The following ZKSCAN3 variants were observed in gnomAD, a reference collection of about 807,000 sequenced individuals.
ZKSCAN3 encodes the protein zinc finger protein with KRAB and SCAN domains 3.
A neutral mutation model predicts 30.7 loss-of-function variants in ZKSCAN3; 21 were observed. That is an observed-to-expected ratio of 0.68 (90% CI 0.49 to 0.99). The LOEUF (loss-of-function observed/expected upper bound fraction) is 0.99. ZKSCAN3 is among the 50% of genes least tolerant of loss of function. The pLI is 0.00. For synonymous variants in ZKSCAN3, 201 were observed against 246.7 expected (o/e 0.81, Z 1.73); for missense variants, 507 against 647.1 (o/e 0.78, Z 2.35).
At chr6:28,355,464 C>A (rs2113905834) in intron 1 of ZKSCAN3, 1 of 152,306 alleles carries the variant, frequency 6.6e-6, no homozygotes, top group Non-Finnish European at 1.5e-5. Context: ...AAGTTGGGAC[C>A]AAAAGTCTAC....
rs146705865 is a variant in ZKSCAN3 at position 28,364,656 on chromosome 6, C to T, written c.758-770C>T. On this transcript the variant is annotated intron_variant, in intron 5 of 5. Transcript: ENST00000252211. ...CCCTGCCTCTGCCTGGGATATGAAC[C>T]GAGACAACTGTCTTTATCGTATCAT... Among the ~76,000 whole-genome samples, 33 of 152,286 alleles carry T rather than the reference C, an allele frequency of 2.2e-4. No individual in the cohort carries two copies. In the East Asian group the frequency reaches 3.3e-3, roughly 15 times the overall value.
chr6:28,357,680 A>C (rs1156449756), intron 1 of ZKSCAN3, among the ~76,000 whole-genome samples: 1 of 152,202 alleles, frequency 6.6e-6, no homozygotes, highest in African/African-American at 2.4e-5. Context: ...TCAGGGACTA[A>C]GGACTTTCTT....
chr6:28,349,904 G>A (rs1425990699), upstream of ZKSCAN3: 1 of 152,234 alleles, frequency 6.6e-6, no homozygotes, highest in Non-Finnish European at 1.5e-5. The surrounding 1 kb of genome is among the most constrained non-coding windows in gnomAD (Gnocchi z 4.1). Flanking sequence ...GGTGGCTAGA[G>A]AGGCCCGGAA....
chr6:28,351,883 A>C lies in ZKSCAN3; in HGVS notation c.-63+1816A>C, dbSNP rs1188972381. 6.6e-6 allele frequency among the ~76,000 whole-genome samples: 1 copy of C among 152,154 alleles called. No individual in the cohort carries two copies. The highest frequency in any genetic ancestry group is 1.5e-5 in the Non-Finnish European group (1 of 68,036). On this transcript the variant is annotated intron_variant, in intron 1 of 5. Transcript: ENST00000252211. This position sits in a 1 kb window ranked among gnomAD's most constrained non-coding sequence, Gnocchi z 4.6. ...TCTTATATACAGGGACTTTTATCTT[A>C]ATATAATCATAGTATCATGATCACA...
At chr6:28,362,016 G>T (rs1765789726) in intron 3 of ZKSCAN3, among the ~76,000 whole-genome samples, 1 of 152,214 alleles carries the variant, frequency 6.6e-6, no homozygotes, top group Non-Finnish European at 1.5e-5. Flanking sequence ...TCCCAGGCTG[G>T]TCTCAAACTC....
chr6:28,353,806 T>C, intron 1 of ZKSCAN3: 1 of 456,676 alleles, frequency 2.2e-6, no homozygotes, highest in South Asian at 1.5e-5. Flanking sequence ...TACTCTTATT[T>C]AAAAAAAGAA....
In ZKSCAN3 at chr6:28,367,650, TGTATA is replaced by T. The variant is rs1766018661; in HGVS notation, c.*1369_*1373del. ...CCCCACCCTACCACCCAACACACAC[TGTATA>T]GTAAACTGCATCAAAACTTATTCCT... is the stretch of plus-strand genomic sequence containing the variant. On this transcript the variant is annotated 3_prime_UTR_variant, in exon 6 of 6. Coordinates refer to ENST00000252211, the MANE Select transcript of ZKSCAN3 (RefSeq NM_024493.4). 1 of 151,998 alleles carries T rather than the reference TGTATA, an allele frequency of 6.6e-6. No homozygotes were observed. Among genetic ancestry groups the T allele is most frequent in the Non-Finnish European group, 1.5e-5 (1 of 67,986 alleles). 9.4% of individuals were successfully genotyped at this position (151,998 alleles called of 1,614,324 possible).
At chr6:28,365,387 A>G (rs1049484058) in intron 5 of ZKSCAN3, 39 bp from the exon 6 acceptor site, 11 of 1,570,004 alleles carry the variant, frequency 7.0e-6, no homozygotes, top group Non-Finnish European at 8.6e-6. Flanking sequence ...CTTTCCTTCC[A>G]TGGCATAAGC....
At chr6:28,359,435 C>G (rs1288709148) in intron 1 of ZKSCAN3, 90 bp from the exon 2 acceptor site, 1 of 941,700 alleles carries the variant, frequency 1.1e-6, no homozygotes, top group Non-Finnish European at 1.5e-6. Flanking sequence ...ATTTCTGCAG[C>G]AGTTCCCCAG....
rs1238486432 is a variant in ZKSCAN3 at position 28,366,203 on chromosome 6, C to T, written c.1535C>T (p.Ala512Val). ...HTGEKPYQCN[A>V]CGKGFTRISY... The stretch of plus-strand genomic sequence containing the variant: ...GGTGAGAAACCCTATCAGTGTAATG[C>T]GTGTGGAAAAGGCTTCACCCGAATT... The change falls in exon 6 of 6, where the codon GCG (alanine) becomes GTG (valine). Residue 512 changes from alanine (A) to valine (V), a missense_variant. By Grantham distance (64) the Ala-to-Val change is moderately conservative. Transcript: ENST00000252211. 13 of 1,588,036 alleles carry T rather than the reference C, an allele frequency of 8.2e-6. No homozygotes were observed. The highest frequency in any genetic ancestry group is 1.9e-5 in the Admixed American group (1 of 52,938).
At chr6:28,353,980 T>TCAG in intron 1 of ZKSCAN3, 1 of 454,664 alleles carries the variant, frequency 2.2e-6, no homozygotes, top group South Asian at 1.6e-5. Context: ...ATGATTTTAT[T>TCAG]CAGCAGCAGC....
At chr6:28,361,502 C>T in intron 3 of ZKSCAN3, 31 bp downstream of exon 3, 4 of 1,571,104 alleles carry the variant, frequency 2.5e-6, no homozygotes, top group Non-Finnish European at 3.4e-6. Flanking sequence ...AGTATGAATT[C>T]TGCAGACTTC....
At position 28,367,842 on chromosome 6, in the gene ZKSCAN3, C is replaced by T. The variant is rs1335093593; in HGVS notation, c.*1557C>T. The T allele has an allele frequency of 1.3e-5, 2 of 152,106 alleles. No individual in the cohort carries two copies. Among genetic ancestry groups the T allele is most frequent in the East Asian group, 1.9e-4 (1 of 5,158 alleles). 9.4% of individuals were successfully genotyped at this position (152,106 alleles called of 1,614,324 possible). A position where few individuals can be genotyped will look rare whatever the true frequency, so the allele number is the denominator to read the frequency against. On this transcript the variant is annotated 3_prime_UTR_variant, in exon 6 of 6. Coordinates refer to ENST00000252211, the MANE Select transcript of ZKSCAN3 (RefSeq NM_024493.4). The stretch of plus-strand genomic sequence containing the variant: ...TCCTGCCATTCTCCTGCCTCAGCCT[C>T]CCGAGTAGCTGGGACTATAGGCGTC...
chr6:28,360,693 A>T (rs1765716716), intron 2 of ZKSCAN3: 1 of 985,318 alleles, frequency 1.0e-6, no homozygotes, highest in Admixed American at 6.1e-5. Context: ...TGAGCTGGAT[A>T]CCAGGGTTCT....
At chr6:28,361,875 G>A (rs1432929688) in intron 3 of ZKSCAN3, among the ~76,000 whole-genome samples, 1 of 151,860 alleles carries the variant, frequency 6.6e-6, no homozygotes, top group African/African-American at 2.4e-5. Flanking sequence ...ATCGCTCACT[G>A]CAGCCTCCAC....
At chr6:28,364,617 G>A (rs1015046431) in intron 5 of ZKSCAN3, among the ~76,000 whole-genome samples, 2 of 152,218 alleles carry the variant, frequency 1.3e-5, no homozygotes, top group African/African-American at 4.8e-5. Context: ...ACTGAATCCA[G>A]TTCTGTTTGG....
At chr6:28,363,653 G>C (rs1323916011) in intron 4 of ZKSCAN3, 39 bp from the exon 5 acceptor site, 3 of 1,613,100 alleles carry the variant, frequency 1.9e-6, no homozygotes, top group East Asian at 4.5e-5. Flanking sequence ...CCACCATTTT[G>C]GTCAGCCCCT....
In ZKSCAN3 at chr6:28,366,204, G is replaced by A. The variant is rs111472689; in HGVS notation, c.1536G>A (p.Ala512=). ...GTGAGAAACCCTATCAGTGTAATGC[G>A]TGTGGAAAAGGCTTCACCCGAATTT... ...HTGEKPYQCN[A]CGKGFTRISY... The change falls in exon 6 of 6, where the codon GCG becomes GCA. Residue 512 remains alanine, a synonymous_variant. Coordinates refer to ENST00000252211, the MANE Select transcript of ZKSCAN3 (RefSeq NM_024493.4). 1,377 of 1,586,374 alleles carry A rather than the reference G, an allele frequency of 8.7e-4. 4 individuals are homozygous for A. Among genetic ancestry groups the A allele is most frequent in the Middle Eastern group, 5.9e-3 (35 of 5,890 alleles).
chr6:28,356,081 C>T (rs759282312), intron 1 of ZKSCAN3: 4 of 152,204 alleles, frequency 2.6e-5, no homozygotes, highest in Non-Finnish European at 4.4e-5. Context: ...CAGCTCTGCC[C>T]GGAAACTTAT....
Sources: gnomAD v4.1 joint callset for allele counts (sites outside exome capture counted in the v4.1 genomes callset) on GRCh38, gnomAD v4.1.1 for gene constraint, Gnocchi (gnomAD v3.1) non-coding constraint, MANE v1.5 for transcripts, NCBI Gene and HGNC (gene_info 2026-07-23, HGNC 2026-07-21) for gene names.